The following GLRX variants were observed in gnomAD, a reference collection of about 807,000 sequenced individuals.
The protein encoded by GLRX is glutaredoxin-1.
A neutral mutation model predicts 11.1 loss-of-function variants in GLRX; 9 were observed. The observed-to-expected ratio is 0.81, with a 90% confidence interval of 0.49 to 1.42. GLRX has a LOEUF of 1.42. Ranked by LOEUF, GLRX falls within the 40% of genes most tolerant of loss-of-function variation. The probability of loss-of-function intolerance (pLI) is 0.00; values close to 1 mark genes in which losing one functional copy is unlikely to be tolerated. For synonymous variants in GLRX, 49 were observed against 49.5 expected (o/e 0.99, Z 0.04); for missense variants, 102 against 126.2 (o/e 0.81, Z 0.92).
intron 1 of GLRX, among the ~76,000 whole-genome samples, chr5:95,820,376 C>T (rs1476223216): frequency 4.9e-5 from 5 of 101,336 alleles, no homozygotes; most frequent in East Asian, 3.8e-4. Context: ...AAAAAAAAAA[C>T]CTTAAAAGAT....
Position 95,822,690 on chromosome 5 carries a change from GA to G in GLRX, c.-29del, listed in dbSNP as rs1260997190. 1 of 1,596,690 alleles carries G rather than the reference GA, an allele frequency of 6.3e-7. No individual in the cohort carries two copies. On this transcript the variant is annotated 5_prime_UTR_variant, in exon 1 of 3. Coordinates refer to ENST00000237858, the MANE Select transcript of GLRX (RefSeq NM_001118890.2). ...CGATGGGCTGCGGTCTCCCCGGGAA[GA>G]ATCCTCAGTTGCAGGTATTGCTTGG...
chr5:95,816,733 T>C (rs1580445538), intron 1 of GLRX, 107 bp from the exon 2 acceptor site: 1 of 688,814 alleles, frequency 1.5e-6, no homozygotes, highest in Admixed American at 2.2e-5. Context: ...CAAATCACTT[T>C]AAAACCTCCT....
At chr5:95,820,965 AATT>A (rs1365658335) in intron 1 of GLRX, among the ~76,000 whole-genome samples, 1 of 152,032 alleles carries the variant, frequency 6.6e-6, no homozygotes, top group African/African-American at 2.4e-5. Flanking sequence ...AAAATACAAA[AATT>A]AGCTGGGCAT....
At position 95,822,328 on chromosome 5, in the gene GLRX, C is replaced by T. The variant is rs904149460; in HGVS notation, c.207+128G>A. Reference sequence around the variant, plus strand: ...TCTCTAAGGCGCCCTCCCCCACACCCCCCGCCCCGCACAGCCCTCTGGACG... The same window carrying T: ...TCTCTAAGGCGCCCTCCCCCACACCTCCCGCCCCGCACAGCCCTCTGGACG... On this transcript the variant is annotated intron_variant, in intron 1 of 2. Coordinates refer to ENST00000237858, the MANE Select transcript of GLRX (RefSeq NM_001118890.2). 25 of 665,922 alleles carry T rather than the reference C, an allele frequency of 3.8e-5. No homozygotes were observed. In the African/African-American group the frequency reaches 4.2e-4, roughly 11 times the overall value. 41.3% of individuals were successfully genotyped at this position (665,922 alleles called of 1,614,324 possible).
chr5:95,814,975 AG>A (rs1746933836), intron 2 of GLRX: 1 of 163,522 alleles, frequency 6.1e-6, no homozygotes, highest in Non-Finnish European at 1.4e-5. Context: ...GAAAGAAAGA[AG>A]GGATCTCCTT....
rs1580443746 is a variant in GLRX at position 95,814,328 on chromosome 5, T to C, written c.*68A>G. On this transcript the variant is annotated 3_prime_UTR_variant, in exon 3 of 3. Coordinates refer to ENST00000237858, the MANE Select transcript of GLRX (RefSeq NM_001118890.2). ...ACACCAAGACCAACTATGCTTTTCA[T>C]ATGATTTCTCCAATTGGGTCCTGTG... 1 of 152,664 alleles carries C rather than the reference T, an allele frequency of 6.6e-6. No individual in the cohort carries two copies. The highest frequency in any genetic ancestry group is 1.5e-5 in the Non-Finnish European group (1 of 68,048). 9.5% of individuals were successfully genotyped at this position (152,664 alleles called of 1,614,324 possible).
At chr5:95,816,854 C>T (rs1473121439) in intron 1 of GLRX, 3 of 359,824 alleles carry the variant, frequency 8.3e-6, no homozygotes, top group Non-Finnish European at 1.6e-5. Context: ...TATGCATGAG[C>T]TTGTCCAACT....
Position 95,822,667 on chromosome 5 carries a change from A to G in GLRX, c.-5T>C. ...GTTCACAAACTCTTGAGCCATGCCG[A>G]TGGGCTGCGGTCTCCCCGGGAAGAA... On this transcript the variant is annotated 5_prime_UTR_variant, in exon 1 of 3. Transcript: ENST00000237858. 1.2e-6 allele frequency: 2 copies of G among 1,613,136 alleles called. No homozygotes were observed. The highest frequency in any genetic ancestry group is 8.5e-7 in the Non-Finnish European group (1 of 1,179,218).
chr5:95,816,456 G>T (rs1483079103), intron 2 of GLRX, 51 bp downstream of exon 2: 2 of 884,704 alleles, frequency 2.3e-6, no homozygotes, highest in South Asian at 1.3e-5. Flanking sequence ...CACGACAGAA[G>T]AATTCCACGG....
intron 1 of GLRX, among the ~76,000 whole-genome samples, chr5:95,819,907 A>G (rs1443292444): frequency 6.6e-6 from 1 of 150,804 alleles, no homozygotes; most frequent in Non-Finnish European, 1.5e-5. Flanking sequence ...CAAAAAAAAA[A>G]AAAAAAAAAA....
At chr5:95,822,415 A>G in intron 1 of GLRX, 41 bp downstream of exon 1, 1 of 1,501,626 alleles carries the variant, frequency 6.7e-7, no homozygotes, top group African/African-American at 1.4e-5. Context: ...AAGAAAAGGC[A>G]ATCCGGGAGC....
intron 1 of GLRX, chr5:95,817,567 A>T (rs1297710426): frequency 6.6e-6 from 1 of 152,292 alleles, no homozygotes; most frequent in African/African-American, 2.4e-5. Flanking sequence ...ACACCTGCTG[A>T]ATAGGCTCCT....
At position 95,822,706 on chromosome 5, in the gene GLRX, G is replaced by A; in HGVS notation, c.-44C>T. 1.3e-6 allele frequency: 2 copies of A among 1,538,602 alleles called. No individual in the cohort carries two copies. Among genetic ancestry groups the A allele is most frequent in the South Asian group, 1.1e-5 (1 of 88,882 alleles). ...CCCCGGGAAGAATCCTCAGTTGCAG[G>A]TATTGCTTGGGGTATTGAGCCCCGA... On this transcript the variant is annotated 5_prime_UTR_variant, in exon 1 of 3. Transcript: ENST00000237858.
rs558576862 is a variant in GLRX at position 95,822,546 on chromosome 5, T to C, written c.117A>G (p.Lys39=). ...TATCGACAAATTCCAGAAGCCCTTG[T>C]TTGATGGGCAATTGACTGAGGATCT... ...AQEILSQLPI[K]QGLLEFVDIT... The change falls in exon 1 of 3, where the codon AAA becomes AAG. Residue 39 remains lysine (K), a synonymous_variant. Transcript: ENST00000237858. 10 of 1,613,698 alleles carry C rather than the reference T, an allele frequency of 6.2e-6. No individual in the cohort carries two copies. Among genetic ancestry groups the C allele is most frequent in the Non-Finnish European group, 8.5e-6 (10 of 1,179,744 alleles).
chr5:95,816,833 A>G, intron 1 of GLRX: 1 of 449,444 alleles, frequency 2.2e-6, no homozygotes, highest in Non-Finnish European at 4.1e-6. Context: ...AAGAGTTTTC[A>G]AGTTGTGTGC....
At chr5:95,816,725 A>C in intron 1 of GLRX, 99 bp from the exon 2 acceptor site, 2 of 715,984 alleles carry the variant, frequency 2.8e-6, no homozygotes, top group Middle Eastern at 2.4e-4. Flanking sequence ...AAACTTTTCA[A>C]ATCACTTTAA....
intron 1 of GLRX, among the ~76,000 whole-genome samples, chr5:95,820,473 C>T (rs990172610): frequency 8.6e-5 from 13 of 151,394 alleles, no homozygotes; most frequent in Non-Finnish European, 1.9e-4. Context: ...CTTTGGGAGG[C>T]TGAGGTGGGT....
At chr5:95,820,982 G>C (rs919584331) in intron 1 of GLRX, among the ~76,000 whole-genome samples, 5 of 152,104 alleles carry the variant, frequency 3.3e-5, no homozygotes, top group African/African-American at 9.7e-5. Context: ...TGGGCATGGT[G>C]GTGGGCGCCT....
chr5:95,821,454 T>C (rs746454234), intron 1 of GLRX, among the ~76,000 whole-genome samples: 2 of 100,280 alleles, frequency 2.0e-5, no homozygotes, highest in Non-Finnish European at 4.1e-5. Flanking sequence ...AATGCTGACT[T>C]CTTATTAGAG....
Sources: allele counts gnomAD v4.1 joint callset (sites outside exome capture counted in the v4.1 genomes callset), GRCh38; gene constraint gnomAD v4.1.1; transcripts MANE v1.5; gene names NCBI Gene and HGNC (gene_info 2026-07-23, HGNC 2026-07-21).